CCDC73: variants seen among roughly 807,000 people sequenced by gnomAD.
The protein encoded by CCDC73 is coiled-coil domain-containing protein 73.
Under a neutral mutation model 116.5 loss-of-function variants are expected in CCDC73, and 95 were observed. That is an observed-to-expected ratio of 0.82 (90% confidence interval 0.69 to 0.97). The LOEUF (loss-of-function observed/expected upper bound fraction) is 0.97, where lower values mean the gene tolerates loss of function less well. Among genes scored for constraint, CCDC73 ranks in the 50% least tolerant of loss-of-function variants. The probability of loss-of-function intolerance (pLI) is 0.00; values close to 1 mark genes in which losing one functional copy is unlikely to be tolerated. For missense variants in CCDC73, 1,066 were observed against 1,206.8 expected (o/e 0.88, Z 1.73); for synonymous variants, 398 against 401.3 (o/e 0.99, Z 0.10).
At chr11:32,712,305 G>GGTACAAAGTTCCAGTTAGATGGAAA (rs1490087885) in intron 3 of CCDC73, among the ~76,000 whole-genome samples, 2 of 151,958 alleles carry the variant, frequency 1.3e-5, no homozygotes, top group African/African-American at 4.8e-5. Context: ...GTTGATCAAG[G>GGTACAAAGTTCCAGTTAGATGGAAA]GTACAAAGTT....
At chr11:32,785,025 G>A (rs1372373654) in intron 1 of CCDC73, among the ~76,000 whole-genome samples, 1 of 152,046 alleles carries the variant, frequency 6.6e-6, no homozygotes, top group Non-Finnish European at 1.5e-5. Flanking sequence ...AATTAGACAG[G>A]CGTGGTGGTG....
the CCDC73 span, among the ~76,000 whole-genome samples, chr11:32,811,825 G>A: frequency 6.6e-6 from 1 of 152,098 alleles, no homozygotes; most frequent in Non-Finnish European, 1.5e-5. Flanking sequence ...TCTCCCACTA[G>A]GCCTACCTCC....
intron 1 of CCDC73, among the ~76,000 whole-genome samples, chr11:32,770,158 G>T (rs989299095): frequency 6.6e-6 from 1 of 152,172 alleles, no homozygotes; most frequent in Non-Finnish European, 1.5e-5. Flanking sequence ...GCTGAACTCA[G>T]CTGGAAATGC....
At chr11:32,636,377 C>T (rs775838583) in intron 13 of CCDC73, among the ~76,000 whole-genome samples, 2 of 151,820 alleles carry the variant, frequency 1.3e-5, no homozygotes, top group Non-Finnish European at 2.9e-5. Context: ...TAAGTGGTAC[C>T]ACAGAAACTG....
chr11:32,829,678 T>G, the CCDC73 span: 3 of 770,966 alleles, frequency 3.9e-6, no homozygotes, highest in Non-Finnish European at 4.7e-6. Flanking sequence ...GCTTCCTGAA[T>G]TAGGATCATT....
At chr11:32,683,366 T>C (rs1856165217) in intron 7 of CCDC73, 170 bp downstream of exon 7, 2 of 625,760 alleles carry the variant, frequency 3.2e-6, no homozygotes, top group Non-Finnish European at 5.9e-6. Flanking sequence ...AATAATTCAT[T>C]TATGCAACAT....
chr11:32,613,150 G>A (rs982856150), intron 16 of CCDC73, among the ~76,000 whole-genome samples: 11 of 152,080 alleles, frequency 7.2e-5, no homozygotes, highest in African/African-American at 2.7e-4. Flanking sequence ...AGACAACATA[G>A]GAGAGAAACT....
intron 2 of CCDC73, among the ~76,000 whole-genome samples, chr11:32,750,634 CAG>C (rs1477565408): frequency 6.6e-6 from 1 of 152,186 alleles, no homozygotes; most frequent in Non-Finnish European, 1.5e-5. Flanking sequence ...CCACAGCCAA[CAG>C]GGAGTATTGA....
intron 2 of CCDC73, among the ~76,000 whole-genome samples, chr11:32,738,877 T>A (rs1469991587): frequency 6.6e-6 from 1 of 152,164 alleles, no homozygotes; most frequent in African/African-American, 2.4e-5. Context: ...TGTTTTTGTA[T>A]ACGGAAACAT....
chr11:32,674,015 T>A (rs937696751), intron 9 of CCDC73, among the ~76,000 whole-genome samples: 3 of 152,174 alleles, frequency 2.0e-5, no homozygotes, highest in African/African-American at 7.2e-5. Flanking sequence ...AATACCCTGA[T>A]TCACTCTCTT....
intron 3 of CCDC73, among the ~76,000 whole-genome samples, chr11:32,712,565 G>A (rs1185172364): frequency 4.7e-5 from 2 of 42,614 alleles, no homozygotes; most frequent in African/African-American, 9.3e-5. Flanking sequence ...TTAAAATAAA[G>A]ATCTAAATAA....
chr11:32,607,918 A>G (rs1855376843), intron 17 of CCDC73, among the ~76,000 whole-genome samples: 1 of 152,184 alleles, frequency 6.6e-6, no homozygotes, highest in Non-Finnish European at 1.5e-5. Flanking sequence ...AGCAAAAGAG[A>G]GCTTGTGCAG....
chr11:32,830,009 T>A, the CCDC73 span: 1 of 985,720 alleles, frequency 1.0e-6, no homozygotes, highest in Non-Finnish European at 1.2e-6. Context: ...CCCCAGGCCC[T>A]TCCCAGGTTT....
intron 1 of CCDC73, among the ~76,000 whole-genome samples, chr11:32,768,389 T>C (rs577643805): frequency 6.6e-6 from 1 of 152,196 alleles, no homozygotes; most frequent in Admixed American, 6.5e-5. Flanking sequence ...AGTTAATGGG[T>C]GCAGCACACC....
chr11:32,829,666 A>G, the CCDC73 span: 1 of 742,064 alleles, frequency 1.3e-6, no homozygotes, highest in African/African-American at 1.9e-5. Context: ...GAGAACCGAA[A>G]TGCTTCCTGA....
the CCDC73 span, among the ~76,000 whole-genome samples, chr11:32,821,433 C>T: frequency 3.9e-5 from 6 of 152,100 alleles, no homozygotes; most frequent in Non-Finnish European, 8.8e-5. Context: ...TGCAGACTTA[C>T]GTTAACAGTT....
the CCDC73 span, among the ~76,000 whole-genome samples, chr11:32,827,605 A>G: frequency 1.3e-5 from 2 of 152,166 alleles, no homozygotes; most frequent in South Asian, 2.1e-4. Flanking sequence ...CCTCTCCCCA[A>G]AGTAGTGGGA....
At chr11:32,688,464 T>C (rs1008839660) in intron 6 of CCDC73, among the ~76,000 whole-genome samples, 1 of 152,198 alleles carries the variant, frequency 6.6e-6, no homozygotes, top group Non-Finnish European at 1.5e-5. Context: ...AATACAAACA[T>C]AGGATTCTAA....
intron 2 of CCDC73, among the ~76,000 whole-genome samples, chr11:32,755,536 A>AATATATATATAT (rs375204188): frequency 4.7e-4 from 28 of 59,914 alleles, no homozygotes; most frequent in African/African-American, 1.4e-3. Context: ...TCCATCTCAA[A>AATATATATATAT]ATATATATAT....
Sources: gnomAD v4.1 joint callset for allele counts (sites outside exome capture counted in the v4.1 genomes callset) on GRCh38, gnomAD v4.1.1 for gene constraint, MANE v1.5 for transcripts, NCBI Gene and HGNC (gene_info 2026-07-23, HGNC 2026-07-21) for gene names.